Variants in SOS1 observed in about 807,000 individuals in gnomAD.
SOS1 encodes SOS Ras/Rac guanine nucleotide exchange factor 1.
Under a neutral mutation model 157.6 loss-of-function variants are expected in SOS1, and 25 were observed. That is an observed-to-expected ratio of 0.16 (90% CI 0.12 to 0.22). The LOEUF (loss-of-function observed/expected upper bound fraction) is 0.22. Among genes scored for constraint, SOS1 ranks in the 10% least tolerant of loss-of-function variants. The pLI, the probability that SOS1 is intolerant of heterozygous loss-of-function variation, is 1.00. For synonymous variants in SOS1, 528 were observed against 534.0 expected (o/e 0.99, Z 0.16); for missense variants, 1,237 against 1,599.1 (o/e 0.77, Z 3.86).
intron 6 of SOS1, among the ~76,000 whole-genome samples, chr2:39,043,406 G>T (rs141545507): frequency 6.6e-6 from 1 of 151,822 alleles, no homozygotes; most frequent in Non-Finnish European, 1.5e-5. Flanking sequence ...CTTTACTGTC[G>T]TTATGTAGTT....
At chr2:39,098,505 C>T (rs1056779829) in intron 1 of SOS1, 2 of 153,102 alleles carry the variant, frequency 1.3e-5, no homozygotes, top group African/African-American at 2.4e-5. Flanking sequence ...TTATTAATCA[C>T]AATACTATAT....
intron 20 of SOS1, chr2:38,992,704 T>C (rs1668770575): frequency 6.6e-6 from 1 of 152,204 alleles, no homozygotes; most frequent in Non-Finnish European, 1.5e-5. Flanking sequence ...ATAGTTCACT[T>C]ATTTGAGAAT....
chr2:39,119,136 G>C (rs1336082108), intron 1 of SOS1, among the ~76,000 whole-genome samples: 3 of 152,178 alleles, frequency 2.0e-5, no homozygotes, highest in Non-Finnish European at 4.4e-5. Flanking sequence ...GCAAAAGTAA[G>C]GAGTGAGAGC....
At chr2:39,109,104 T>C (rs147687650) in intron 1 of SOS1, among the ~76,000 whole-genome samples, 1 of 152,088 alleles carries the variant, frequency 6.6e-6, no homozygotes, top group Non-Finnish European at 1.5e-5. Context: ...AAGGCTAAGG[T>C]GGGAGGATTG....
chr2:38,986,118 G>C lies in SOS1; in HGVS notation c.3708C>G (p.Pro1236=). The C allele has an allele frequency of 1.2e-6, 2 of 1,613,860 alleles. No homozygotes were observed. Among genetic ancestry groups the C allele is most frequent in the Non-Finnish European group, 1.7e-6 (2 of 1,179,890 alleles). ...CATGGTCACTTTTTTTGCCCAAAGGGGGAGGTTGGAGATGTAGTGGTGAGC... is the reference window on the plus strand; with the variant it reads ...CATGGTCACTTTTTTTGCCCAAAGGCGGAGGTTGGAGATGTAGTGGTGAGC... ...FSSSPLHLQP[P]PLGKKSDHGN... Residue 1236 remains proline, a synonymous_variant, in exon 23 of 23, where the codon CCC becomes CCG. Transcript: ENST00000402219.
chr2:39,071,245 T>C (rs755852581), intron 1 of SOS1, among the ~76,000 whole-genome samples: 10 of 152,176 alleles, frequency 6.6e-5, no homozygotes, highest in Non-Finnish European at 1.2e-4. Context: ...CTGCAAATAT[T>C]GAACCTGGGC....
intron 1 of SOS1, among the ~76,000 whole-genome samples, chr2:39,075,018 G>A (rs1289800860): frequency 6.6e-6 from 1 of 152,128 alleles, no homozygotes; most frequent in African/African-American, 2.4e-5. Context: ...AAGTGATCAG[G>A]GTAGCAGAAA....
intron 1 of SOS1, among the ~76,000 whole-genome samples, chr2:39,105,465 T>G (rs924844201): frequency 3.3e-5 from 5 of 152,208 alleles, no homozygotes; most frequent in Admixed American, 1.3e-4. Flanking sequence ...ACAGTTGGGC[T>G]GCTTAACTCA....
rs191871252 is a variant in SOS1, at chr2:39,078,131, G to C, written c.88-10378C>G. ...AGTCATGTACAGACATTTCATGGAA[G>C]GGGAAACACAACTGCCCCATAAATA... On this transcript the variant is annotated intron_variant, in intron 1 of 22. Transcript: ENST00000402219. Among the ~76,000 whole-genome samples, 6 of 152,216 alleles carry C rather than the reference G, an allele frequency of 3.9e-5. No individual in the cohort carries two copies. The East Asian group carries it at 9.6e-4, about 24-fold the overall frequency.
chr2:39,053,268 A>G (rs573767080), intron 5 of SOS1, among the ~76,000 whole-genome samples: 1 of 152,226 alleles, frequency 6.6e-6, no homozygotes, highest in South Asian at 2.1e-4. Context: ...ACCCATTTCA[A>G]CTTTTGGTAT....
intron 1 of SOS1, among the ~76,000 whole-genome samples, chr2:39,094,370 G>T (rs948494078): frequency 1.3e-5 from 2 of 152,082 alleles, no homozygotes; most frequent in African/African-American, 4.8e-5. Context: ...GAAGGGGGCC[G>T]GGTGCAGTAG....
Position 39,058,684 on chromosome 2 carries a change from G to C in SOS1, c.334C>G (p.Pro112Ala). The change falls in exon 3 of 23, where the codon CCT (proline) becomes GCT (alanine). Residue 112 changes from proline (P) to alanine (A), a missense_variant. Coordinates refer to ENST00000402219, the MANE Select transcript of SOS1 (RefSeq NM_005633.4). Reference protein sequence around the residue: ...PLSLPVEKIHPLLKEVLGYKI... With the variant: ...PLSLPVEKIHALLKEVLGYKI... Reference sequence around the variant, plus strand: ...TAGTTCAGCATTACCTTTAATAAAGGATGAATTTTTTCTACTGGGAGAGAT... The same window carrying C: ...TAGTTCAGCATTACCTTTAATAAAGCATGAATTTTTTCTACTGGGAGAGAT... 1 of 1,612,778 alleles carries C rather than the reference G, an allele frequency of 6.2e-7. No individual in the cohort carries two copies. Among genetic ancestry groups the C allele is most frequent in the African/African-American group, 1.3e-5 (1 of 74,976 alleles).
chr2:38,997,606 A>AAT (rs1553351522), intron 17 of SOS1, among the ~76,000 whole-genome samples, 181 bp from the exon 18 acceptor site: 8 of 146,300 alleles, frequency 5.5e-5, no homozygotes, highest in Admixed American at 3.4e-4. Flanking sequence ...AAAGACTTAA[A>AAT]TTTTTTTTTT....
intron 1 of SOS1, among the ~76,000 whole-genome samples, chr2:39,091,267 C>G (rs189457530): frequency 1.3e-5 from 2 of 152,272 alleles, no homozygotes; most frequent in East Asian, 3.9e-4. Flanking sequence ...TGTTTATTTG[C>G]TGGATTTTTA....
Position 39,120,887 on chromosome 2 carries a change from G to C in SOS1, c.-465C>G, listed in dbSNP as rs1472466912. 1 of 153,096 alleles carries C rather than the reference G, an allele frequency of 6.5e-6. No individual in the cohort carries two copies. The highest frequency in any genetic ancestry group is 1.5e-5 in the Non-Finnish European group (1 of 68,422). The allele number at this position is 153,096 out of a possible 1,614,324, so 9.5% of individuals were successfully genotyped here. ...TGGGACTCCGAAACGCAAGAGCCCC[G>C]GGCGGGGCGGAGCTGGGGCGGAGGT... On this transcript the variant is annotated 5_prime_UTR_variant, in exon 1 of 23. Coordinates refer to ENST00000402219, the MANE Select transcript of SOS1 (RefSeq NM_005633.4).
At chr2:39,058,563 A>G (rs932649570) in intron 3 of SOS1, 110 bp downstream of exon 3, 3 of 1,174,822 alleles carry the variant, frequency 2.6e-6, no homozygotes, top group Non-Finnish European at 3.7e-6. Flanking sequence ...AGAATGAGAG[A>G]ATTTTACTCT....
At chr2:39,044,275 C>A (rs910829837) in intron 6 of SOS1, among the ~76,000 whole-genome samples, 1 of 152,112 alleles carries the variant, frequency 6.6e-6, no homozygotes, top group African/African-American at 2.4e-5. Context: ...TTGCTTGAAC[C>A]TGGGAGGCGG....
Position 39,093,323 on chromosome 2 carries a change from T to A in SOS1, c.88-25570A>T, listed in dbSNP as rs147583329. On this transcript the variant is annotated intron_variant, in intron 1 of 22. Coordinates refer to ENST00000402219, the MANE Select transcript of SOS1 (RefSeq NM_005633.4). ...AACTACAGTAGTAAACAACTTCTAG[T>A]GTTATTGCAATGAGGCACATTTGTG... Among the ~76,000 whole-genome samples the A allele has an allele frequency of 4.0e-4, 61 of 152,320 alleles. No homozygotes were observed. In the East Asian group the frequency reaches 8.1e-3, roughly 20 times the overall value.
At chr2:39,026,422 A>G (rs1394403515) in intron 8 of SOS1, among the ~76,000 whole-genome samples, 1 of 152,138 alleles carries the variant, frequency 6.6e-6, no homozygotes, top group African/African-American at 2.4e-5. Flanking sequence ...GGGTAACGAA[A>G]GATATTTTCC....
Sources: allele counts gnomAD v4.1 joint callset (sites outside exome capture counted in the v4.1 genomes callset), GRCh38; gene constraint gnomAD v4.1.1; transcripts MANE v1.5; gene names NCBI Gene and HGNC (gene_info 2026-07-23, HGNC 2026-07-21).